ITFG2: variants seen among roughly 807,000 people sequenced by gnomAD.
ITFG2 encodes integrin alpha FG-GAP repeat containing 2.
Under a neutral mutation model 54.4 loss-of-function variants are expected in ITFG2, and 36 were observed. The observed-to-expected ratio is 0.66, with a 90% CI of 0.51 to 0.87. The LOEUF (loss-of-function observed/expected upper bound fraction) is 0.87. Ranked by LOEUF, ITFG2 falls within the 40% of genes least tolerant of loss-of-function variation. The pLI is 0.00. For synonymous variants in ITFG2, 211 were observed against 225.4 expected (o/e 0.94, Z 0.57); for missense variants, 524 against 576.7 (o/e 0.91, Z 0.94).
chr12:2,818,200 T>C lies in ITFG2; in HGVS notation c.329T>C (p.Leu110Pro), dbSNP rs2097928405. 4 of 1,614,100 alleles carry C rather than the reference T, an allele frequency of 2.5e-6. No individual in the cohort carries two copies. The highest frequency in any genetic ancestry group is 3.4e-6 in the Non-Finnish European group (4 of 1,180,034). The part of the protein sequence containing the change: ...VLDASGHHET[L>P]IGEEQRPVFK... ...GATGCTTCTGGGCACCACGAGACAC[T>C]AATCGGAGAGGAGCAGCGTCCAGTC... Residue 110 changes from leucine to proline, a missense_variant, in exon 4 of 12, where the codon CTA (leucine) becomes CCA (proline). Transcript: ENST00000228799.
At chr12:2,858,118 T>C (rs2153930609) in exon 3 of ITFG2, 1 of 153,074 alleles carries the variant, frequency 6.5e-6, no homozygotes, top group East Asian at 1.9e-4. Context: ...AAGATCCAGG[T>C]ACCTCAGCCT....
intron 9 of ITFG2, among the ~76,000 whole-genome samples, chr12:2,822,286 A>T (rs10848708): frequency 0.18 from 26,996 of 152,074 alleles, 2,689 homozygotes; most frequent in South Asian, 0.34. Flanking sequence ...CTCGACCATA[A>T]TTAATGCTAT....
downstream of ITFG2, chr12:2,827,290 C>G (rs1310090785): frequency 6.2e-7 from 1 of 1,613,710 alleles, no homozygotes. The surrounding 1 kb of genome is among the most constrained non-coding windows in gnomAD (Gnocchi z 4.0). Context: ...TGCTCCAGGT[C>G]GATGCAGCAC....
Position 2,822,894 on chromosome 12 carries a change from T to C in ITFG2, c.1049T>C (p.Ile350Thr), listed in dbSNP as rs1270048974. 3.7e-6 allele frequency: 6 copies of C among 1,614,144 alleles called. No individual in the cohort carries two copies. In the South Asian group the frequency reaches 6.6e-5, roughly 18 times the overall value. The change falls in exon 10 of 12, where the codon ATC becomes ACC. Residue 350 changes from isoleucine (I) to threonine (T), a missense_variant. Physicochemically the swap from Ile to Thr is moderately conservative, Grantham distance 89 (BLOSUM62 -1). Coordinates refer to ENST00000228799, the MANE Select transcript of ITFG2 (RefSeq NM_018463.4). ...GTCCGCTTCCAAGTGGATGAAAATA[T>C]CCGTGCCTTCTGTGCAGGTGACCCC... ...TVVRFQVDEN[I>T]RAFCAGLYAC...
At chr12:2,815,025 G>A (rs2097918359) in intron 1 of ITFG2, among the ~76,000 whole-genome samples, 1 of 150,982 alleles carries the variant, frequency 6.6e-6, no homozygotes, top group South Asian at 2.1e-4. Context: ...CCAGGCTGGA[G>A]TGCAGTGACA....
In ITFG2 at chr12:2,817,384, G is replaced by C; in HGVS notation, c.192+66G>C. The C allele has an allele frequency of 2.6e-6, 3 of 1,156,920 alleles. No homozygotes were observed. The South Asian group carries it at 3.9e-5, about 15-fold the overall frequency. The allele number at this position is 1,156,920 out of a possible 1,614,324, so 71.7% of individuals were successfully genotyped here. A position where few individuals can be genotyped will look rare whatever the true frequency, so the allele number is the denominator to read the frequency against. The stretch of plus-strand genomic sequence containing the variant: ...CCCTTCTGTCCAGGGACCACCTAGG[G>C]TGAGCCCCACACAGGTGCTCACCCA... On this transcript the variant is annotated intron_variant, in intron 2 of 11. Coordinates refer to ENST00000228799, the MANE Select transcript of ITFG2 (RefSeq NM_018463.4).
chr12:2,851,945 C>G (rs998915769), intron 2 of ITFG2, among the ~76,000 whole-genome samples: 12 of 150,998 alleles, frequency 7.9e-5, no homozygotes, highest in Admixed American at 2.6e-4. Context: ...TTCCAAAGTG[C>G]TGGGATTACA....
chr12:2,824,689 C>G lies in ITFG2; in HGVS notation c.*496C>G, dbSNP rs2097958334. The G allele has an allele frequency of 5.5e-6, 1 of 182,732 alleles. No homozygotes were observed. The highest frequency in any genetic ancestry group is 1.2e-5 in the Non-Finnish European group (1 of 86,112). The allele number at this position is 182,732 out of a possible 1,614,324, so 11.3% of individuals were successfully genotyped here. On this transcript the variant is annotated 3_prime_UTR_variant, in exon 12 of 12. Transcript: ENST00000228799. ...AACTGTTTTGTTTTGAAGGATCTTT[C>G]TACAGTCTGGTCTTACCCATGTTCC...
upstream of ITFG2, chr12:2,834,506 A>T (rs544157865): frequency 5.2e-5 from 65 of 1,251,040 alleles, no homozygotes; most frequent in South Asian, 1.1e-3. Flanking sequence ...TGGCAGGATG[A>T]CCTCTCCCCA....
At chr12:2,859,282 G>C (rs1410175649) in intron 3 of ITFG2, 12 of 1,613,704 alleles carry the variant, frequency 7.4e-6, no homozygotes, top group Non-Finnish European at 9.3e-6. Flanking sequence ...GGAGGCAGTA[G>C]ATGCTGTTTT....
Position 2,822,869 on chromosome 12 carries a change from G to A in ITFG2, c.1024G>A (p.Val342Ile), listed in dbSNP as rs766897597. The A allele has an allele frequency of 8.7e-6, 14 of 1,614,000 alleles. No homozygotes were observed. Among genetic ancestry groups the A allele is most frequent in the South Asian group, 3.3e-5 (3 of 91,084 alleles). Reference protein sequence around the residue: ...TYIIDHNRTVVRFQVDENIRA... With the variant: ...TYIIDHNRTVIRFQVDENIRA... ...TATCATTGATCACAACCGCACCGTC[G>A]TCCGCTTCCAAGTGGATGAAAATAT... The change falls in exon 10 of 12, where the codon GTC becomes ATC. Residue 342 changes from valine to isoleucine, a missense_variant. Coordinates refer to ENST00000228799, the MANE Select transcript of ITFG2 (RefSeq NM_018463.4).
At chr12:2,839,871 C>T (rs1469133572) in intron 1 of ITFG2, among the ~76,000 whole-genome samples, 5 of 152,136 alleles carry the variant, frequency 3.3e-5, no homozygotes, top group African/African-American at 9.7e-5. Context: ...CCAAATATTG[C>T]GTGTTTTCAC....
upstream of ITFG2, chr12:2,834,869 G>A (rs764676280): frequency 2.5e-6 from 4 of 1,613,822 alleles, no homozygotes; most frequent in Admixed American, 1.7e-5. Context: ...GGGCTGCTCG[G>A]TGGGGGCGTC....
rs1015249112 is a variant in ITFG2, at chr12:2,845,862, G to T, written n.300+4867G>T. On this transcript the variant is annotated intron_variant and non_coding_transcript_variant, in intron 2 of 3. Coordinates refer to the ITFG2 transcript ENST00000537710. The surrounding 1 kb of genome is among the most constrained non-coding windows in gnomAD (Gnocchi z 4.2). ...AAGTGTATGTAGGCTGAGCTGGGGT[G>T]ATTTTCTTTTTCTTTTTTTTGTTGA... Among the ~76,000 whole-genome samples the T allele has an allele frequency of 1.7e-4, 25 of 144,910 alleles. No individual in the cohort carries two copies. Among genetic ancestry groups the T allele is most frequent in the African/African-American group, 6.9e-4 (25 of 36,268 alleles).
chr12:2,834,734 G>C (rs756137995), upstream of ITFG2: 17 of 1,613,886 alleles, frequency 1.1e-5, no homozygotes, highest in Non-Finnish European at 1.4e-5. Flanking sequence ...TGTTTGAGCC[G>C]GCGCTGCTGG....
chr12:2,837,562 G>A (rs1413648813), intron 1 of ITFG2, among the ~76,000 whole-genome samples: 2 of 152,144 alleles, frequency 1.3e-5, no homozygotes, highest in Admixed American at 6.5e-5. Context: ...GCTTGAAGCC[G>A]GGAGGAGGAG....
downstream of ITFG2, chr12:2,827,038 C>G (rs1007196251): frequency 2.7e-6 from 4 of 1,456,126 alleles, no homozygotes; most frequent in African/African-American, 4.3e-5. This position sits in a 1 kb window ranked among gnomAD's most constrained non-coding sequence, Gnocchi z 4.0. Context: ...TGCTGAGAAG[C>G]AGAGAGGAAT....
intron 9 of ITFG2, among the ~76,000 whole-genome samples, chr12:2,822,278 C>T (rs1427030709): frequency 6.6e-6 from 1 of 152,134 alleles, no homozygotes; most frequent in Non-Finnish European, 1.5e-5. Context: ...TCCTCTTACT[C>T]GACCATAATT....
upstream of ITFG2, among the ~76,000 whole-genome samples, chr12:2,834,101 A>T (rs1453211048): frequency 6.6e-6 from 1 of 152,132 alleles, no homozygotes; most frequent in African/African-American, 2.4e-5. Flanking sequence ...GGTCCATTCC[A>T]CTCAGGAGTT....
Sources: allele counts gnomAD v4.1 joint callset (sites outside exome capture counted in the v4.1 genomes callset), GRCh38; gene constraint gnomAD v4.1.1; non-coding constraint Gnocchi (gnomAD v3.1); transcripts MANE v1.5; gene names NCBI Gene and HGNC (gene_info 2026-07-23, HGNC 2026-07-21).